The following AGR2 variants were observed in gnomAD, a reference collection of about 807,000 sequenced individuals.
The protein encoded by AGR2 is anterior gradient protein 2 homolog.
Under a neutral mutation model 25.9 loss-of-function variants are expected in AGR2, and 27 were observed. The ratio of observed to expected loss-of-function variants is 1.04; its 90% CI spans 0.77 to 1.44. The LOEUF (loss-of-function observed/expected upper bound fraction) is 1.44. Among genes scored for constraint, AGR2 ranks in the 40% most tolerant of loss-of-function variants. The pLI is 0.00. For synonymous variants in AGR2, 78 were observed against 72.0 expected (o/e 1.08, Z -0.42); for missense variants, 182 against 200.9 (o/e 0.91, Z 0.57).
At chr7:16,801,589 A>G in intron 2 of AGR2, 69 bp downstream of exon 2, 1 of 1,594,244 alleles carries the variant, frequency 6.3e-7, no homozygotes, top group Non-Finnish European at 8.6e-7. Flanking sequence ...ACCAGGTTTA[A>G]GCACCAAGAG....
At chr7:16,795,041 A>G in intron 6 of AGR2, 22 bp from the exon 7 acceptor site, 1 of 1,612,634 alleles carries the variant, frequency 6.2e-7, no homozygotes. Context: ...AATGAAGCAA[A>G]AGGGAATGGA....
intron 5 of AGR2, among the ~76,000 whole-genome samples, chr7:16,797,950 C>G (rs1331091121): frequency 6.6e-6 from 1 of 152,068 alleles, no homozygotes; most frequent in African/African-American, 2.4e-5. Context: ...GAAGGAGTTA[C>G]TGTGTTTGGG....
intron 7 of AGR2, among the ~76,000 whole-genome samples, chr7:16,794,223 A>C (rs1158874454): frequency 2.5e-5 from 3 of 119,954 alleles, no homozygotes; most frequent in Admixed American, 9.6e-5. Context: ...AGTGTGACTG[A>C]AGGAATGAAT....
At chr7:16,802,974 A>T (rs1433801049) in intron 1 of AGR2, among the ~76,000 whole-genome samples, 1 of 152,008 alleles carries the variant, frequency 6.6e-6, no homozygotes, top group Non-Finnish European at 1.5e-5. Flanking sequence ...CTGGGGCTAC[A>T]GGCACGTGCC....
At chr7:16,799,909 T>C (rs1651772892) in intron 4 of AGR2, 92 bp from the exon 5 acceptor site, 2 of 853,776 alleles carry the variant, frequency 2.3e-6, no homozygotes, top group Non-Finnish European at 3.7e-6. Context: ...TATTTACTTA[T>C]TGAATTGCAT....
At chr7:16,797,794 A>C in intron 5 of AGR2, 100 bp from the exon 6 acceptor site, 17 of 861,202 alleles carry the variant, frequency 2.0e-5, no homozygotes, top group Non-Finnish European at 2.8e-5. Context: ...CAGGCATCTC[A>C]AGATATCATA....
chr7:16,800,005 A>G (rs896705947), intron 4 of AGR2, among the ~76,000 whole-genome samples, 188 bp from the exon 5 acceptor site: 1 of 151,906 alleles, frequency 6.6e-6, no homozygotes, highest in Non-Finnish European at 1.5e-5. Context: ...CTTTCTATTC[A>G]CTCATTCATC....
chr7:16,801,930 T>C, intron 1 of AGR2, 127 bp from the exon 2 acceptor site: 1 of 691,290 alleles, frequency 1.4e-6, no homozygotes, highest in East Asian at 2.7e-5. Context: ...ACATACGAGA[T>C]TGGCGTAAAT....
At chr7:16,798,434 A>C (rs914765325) in intron 5 of AGR2, among the ~76,000 whole-genome samples, 3 of 152,188 alleles carry the variant, frequency 2.0e-5, no homozygotes, top group African/African-American at 7.2e-5. Context: ...GCACGAGGGC[A>C]GTGGCGAAAG....
intron 6 of AGR2, among the ~76,000 whole-genome samples, chr7:16,795,327 T>TTG (rs1212012816): frequency 2.0e-5 from 3 of 151,900 alleles, no homozygotes; most frequent in African/African-American, 7.3e-5. Context: ...TGTTTTTTTT[T>TTG]TTTTTGGTGA....
chr7:16,800,000 T>TATTCACTC (rs1347890303), intron 4 of AGR2, among the ~76,000 whole-genome samples, 183 bp from the exon 5 acceptor site: 1 of 152,204 alleles, frequency 6.6e-6, no homozygotes, highest in African/African-American at 2.4e-5. Context: ...CTCTGCTTTC[T>TATTCACTC]ATTCACTCAT....
chr7:16,796,890 T>C (rs1583806365), intron 6 of AGR2, among the ~76,000 whole-genome samples: 1 of 151,708 alleles, frequency 6.6e-6, no homozygotes, highest in African/African-American at 2.4e-5. Context: ...GGAAGGAGCA[T>C]GTGGCTCCTT....
chr7:16,793,832 G>C (rs1785000348), intron 7 of AGR2, among the ~76,000 whole-genome samples: 2 of 152,208 alleles, frequency 1.3e-5, no homozygotes, highest in Non-Finnish European at 2.9e-5. Flanking sequence ...AATGAGGTAT[G>C]TGATCTACTA....
intron 5 of AGR2, chr7:16,799,515 GA>G: frequency 2.1e-6 from 1 of 465,238 alleles, no homozygotes; most frequent in South Asian, 3.8e-5. Flanking sequence ...CTGACTACGG[GA>G]GATAATTTTT....
chr7:16,794,659 A>T, intron 7 of AGR2: 1 of 719,452 alleles, frequency 1.4e-6, no homozygotes, highest in Non-Finnish European at 2.2e-6. Context: ...TACCTAACAG[A>T]AAACCTGAAA....
intron 5 of AGR2, 74 bp downstream of exon 5, chr7:16,799,670 A>G (rs187476985): frequency 4.7e-4 from 506 of 1,078,500 alleles, no homozygotes; most frequent in Non-Finnish European, 6.3e-4. Context: ...ACTAAGATGT[A>G]TAGGAAAAAT....
intron 4 of AGR2, among the ~76,000 whole-genome samples, chr7:16,800,661 G>T (rs1785126496): frequency 6.6e-6 from 1 of 152,186 alleles, no homozygotes; most frequent in African/African-American, 2.4e-5. Flanking sequence ...TCTGGGCTTG[G>T]ACCAGGGCAG....
At chr7:16,804,297 C>T (rs1562528980) in intron 1 of AGR2, among the ~76,000 whole-genome samples, 2 of 151,382 alleles carry the variant, frequency 1.3e-5, no homozygotes, top group South Asian at 2.1e-4. Flanking sequence ...CACACACACA[C>T]ATTATGTGAA....
intron 6 of AGR2, among the ~76,000 whole-genome samples, chr7:16,797,010 CT>C: frequency 6.6e-6 from 1 of 152,020 alleles, no homozygotes; most frequent in Non-Finnish European, 1.5e-5. Context: ...CAACCTCTGC[CT>C]CTTGGGTTCA....
Sources: gnomAD v4.1 joint callset for allele counts (sites outside exome capture counted in the v4.1 genomes callset) on GRCh38, gnomAD v4.1.1 for gene constraint, MANE v1.5 for transcripts, NCBI Gene and HGNC (gene_info 2026-07-23, HGNC 2026-07-21) for gene names.